DLG2: variants seen among roughly 807,000 people sequenced by gnomAD.
DLG2 encodes discs large MAGUK scaffold protein 2, also known as disks large homolog 2.
Under a neutral mutation model 132.5 loss-of-function variants are expected in DLG2, and 45 were observed. The ratio of observed to expected loss-of-function variants is 0.34; its 90% CI spans 0.27 to 0.44. The LOEUF is 0.44. Ranked by LOEUF, DLG2 falls within the 20% of genes least tolerant of loss-of-function variation. The pLI is 1.00. For missense variants in DLG2, 1,045 were observed against 1,196.9 expected (o/e 0.87, Z 1.87); for synonymous variants, 424 against 419.6 (o/e 1.01, Z -0.13).
chr11:83,603,033 T>C (rs1183017363), intron 19 of DLG2, among the ~76,000 whole-genome samples: 1 of 152,010 alleles, frequency 6.6e-6, no homozygotes, highest in Admixed American at 6.6e-5. Context: ...TGTGTGTGTG[T>C]ATGTGTGTGC....
At chr11:85,223,635 T>A (rs2074798743) in intron 4 of DLG2, among the ~76,000 whole-genome samples, 1 of 152,108 alleles carries the variant, frequency 6.6e-6, no homozygotes, top group African/African-American at 2.4e-5. Flanking sequence ...GGAGACCTGC[T>A]GTTTTTTTGT....
At chr11:84,344,920 A>T (rs547257131) in intron 7 of DLG2, among the ~76,000 whole-genome samples, 1 of 152,172 alleles carries the variant, frequency 6.6e-6, no homozygotes, top group Non-Finnish European at 1.5e-5. Flanking sequence ...AGGGTAAAAC[A>T]CATGATATTT....
chr11:84,518,915 T>A (rs1266167100), intron 7 of DLG2, among the ~76,000 whole-genome samples: 2 of 152,122 alleles, frequency 1.3e-5, no homozygotes, highest in Non-Finnish European at 2.9e-5. Context: ...GGTTCAGACA[T>A]TAATACTCAG....
At chr11:85,237,730 C>G (rs1420424463) in intron 4 of DLG2, among the ~76,000 whole-genome samples, 1 of 151,980 alleles carries the variant, frequency 6.6e-6, no homozygotes, top group Non-Finnish European at 1.5e-5. Flanking sequence ...TACAGACTGT[C>G]AGACTGACAA....
At chr11:84,730,508 C>T (rs994607173) in intron 6 of DLG2, among the ~76,000 whole-genome samples, 14 of 152,032 alleles carry the variant, frequency 9.2e-5, no homozygotes, top group African/African-American at 3.1e-4. Flanking sequence ...TGTGAAATCA[C>T]TAATTCTATT....
intron 21 of DLG2, among the ~76,000 whole-genome samples, chr11:83,526,724 C>T (rs1046120825): frequency 6.6e-6 from 1 of 152,190 alleles, no homozygotes; most frequent in Admixed American, 6.6e-5. Context: ...TTTTCATTCT[C>T]CTTCACAAAT....
At chr11:83,951,359 C>T (rs2085370992) in intron 14 of DLG2, among the ~76,000 whole-genome samples, 1 of 151,968 alleles carries the variant, frequency 6.6e-6, no homozygotes, top group South Asian at 2.1e-4. Flanking sequence ...AAGCTTATAG[C>T]CCAGTACAGG....
At chr11:83,933,510 G>A (rs527713701) in intron 14 of DLG2, among the ~76,000 whole-genome samples, 1 of 152,288 alleles carries the variant, frequency 6.6e-6, no homozygotes, top group South Asian at 2.1e-4. Flanking sequence ...TATAATTGCA[G>A]GTTCTTATAG....
chr11:84,900,908 G>A (rs926670011), intron 6 of DLG2, among the ~76,000 whole-genome samples: 9 of 152,062 alleles, frequency 5.9e-5, no homozygotes, highest in African/African-American at 2.2e-4. Flanking sequence ...TACACAATAT[G>A]CAAGGCCATT....
At chr11:84,879,631 T>C (rs2086966348) in intron 6 of DLG2, among the ~76,000 whole-genome samples, 1 of 152,068 alleles carries the variant, frequency 6.6e-6, no homozygotes, top group African/African-American at 2.4e-5. Context: ...GGAGGTCTGT[T>C]GGTATGAAGC....
intron 9 of DLG2, among the ~76,000 whole-genome samples, chr11:84,131,947 G>GT (rs368579151): frequency 0.024 from 3,521 of 146,820 alleles, 94 homozygotes; most frequent in African/African-American, 0.066. Flanking sequence ...TCTACTTATT[G>GT]TTTTTTTTTT....
intron 7 of DLG2, among the ~76,000 whole-genome samples, chr11:84,293,579 TAGG>T (rs1399813643): frequency 6.6e-6 from 1 of 152,004 alleles, no homozygotes; most frequent in Non-Finnish European, 1.5e-5. Flanking sequence ...GAGGCTGAGG[TAGG>T]AGAATTGCTG....
intron 7 of DLG2, among the ~76,000 whole-genome samples, chr11:84,279,173 T>G (rs1465495413): frequency 1.3e-5 from 2 of 152,144 alleles, no homozygotes; most frequent in African/African-American, 2.4e-5. Context: ...AACATACACT[T>G]CTCAAAAGAA....
chr11:85,583,308 C>T (rs1045198349), intron 3 of DLG2, among the ~76,000 whole-genome samples: 2 of 149,978 alleles, frequency 1.3e-5, no homozygotes, highest in South Asian at 2.1e-4. Context: ...TAGAACAACA[C>T]ACATGCATCA....
chr11:84,181,017 A>T (rs2187554), intron 8 of DLG2, among the ~76,000 whole-genome samples: 9,673 of 151,998 alleles, frequency 0.064, 378 homozygotes, highest in African/African-American at 0.097. Flanking sequence ...AATAAAACAA[A>T]ATAAAAGTTT....
chr11:85,160,275 G>A (rs942687385), intron 4 of DLG2, among the ~76,000 whole-genome samples: 2 of 152,172 alleles, frequency 1.3e-5, no homozygotes, highest in African/African-American at 2.4e-5. Context: ...CCAGGCTGCT[G>A]TACAAGCTGC....
At chr11:83,720,812 TC>T (rs2088320384) in intron 18 of DLG2, 1 of 143,314 alleles carries the variant, frequency 7.0e-6, no homozygotes, top group Admixed American at 7.1e-5. Context: ...AAGAACCCTC[TC>T]TTCTGCTGCT....
chr11:84,218,071 G>C (rs1432014449), intron 8 of DLG2, among the ~76,000 whole-genome samples: 2 of 152,126 alleles, frequency 1.3e-5, no homozygotes, highest in South Asian at 2.1e-4. Context: ...GGGAGGCTGA[G>C]GCAGGAGAAT....
At chr11:84,278,403 G>T (rs987661324) in intron 7 of DLG2, among the ~76,000 whole-genome samples, 2 of 151,714 alleles carry the variant, frequency 1.3e-5, no homozygotes, top group South Asian at 2.1e-4. Flanking sequence ...ATATTTTAAA[G>T]AAAGAAATAA....
Sources: allele counts gnomAD v4.1 joint callset (sites outside exome capture counted in the v4.1 genomes callset), GRCh38; gene constraint gnomAD v4.1.1; transcripts MANE v1.5; gene names NCBI Gene and HGNC (gene_info 2026-07-23, HGNC 2026-07-21).